The following DSCAM variants were observed in gnomAD, a reference collection of about 807,000 sequenced individuals.
DSCAM encodes DS cell adhesion molecule, also known as cell adhesion molecule DSCAM.
Under a neutral mutation model 217.7 loss-of-function variants are expected in DSCAM, and 47 were observed. The ratio of observed to expected loss-of-function variants is 0.22; its 90% CI spans 0.17 to 0.28. DSCAM has a LOEUF of 0.28. Among genes scored for constraint, DSCAM ranks in the 10% least tolerant of loss-of-function variants. The probability of loss-of-function intolerance (pLI) is 1.00; values close to 1 mark genes in which losing one functional copy is unlikely to be tolerated. For synonymous variants in DSCAM, 1,056 were observed against 1,015.3 expected, an observed-to-expected ratio of 1.04 and a Z score of -0.76; for missense variants, 2,080 against 2,618.3, an observed-to-expected ratio of 0.79 and a Z score of 4.49.
At chr21:40,741,670 T>C (rs989955592) in intron 1 of DSCAM, among the ~76,000 whole-genome samples, 2 of 152,218 alleles carry the variant, frequency 1.3e-5, no homozygotes, top group Non-Finnish European at 2.9e-5. Context: ...GGCTGCACGG[T>C]AGATTCACCT....
intron 10 of DSCAM, among the ~76,000 whole-genome samples, chr21:40,284,291 T>A (rs2073799360): frequency 6.6e-6 from 1 of 152,196 alleles, no homozygotes; most frequent in Non-Finnish European, 1.5e-5. Context: ...ACCACTGGCT[T>A]GGTTCCAGGC....
chr21:40,293,172 T>C (rs1330929798), intron 10 of DSCAM, among the ~76,000 whole-genome samples: 1 of 152,194 alleles, frequency 6.6e-6, no homozygotes, highest in Non-Finnish European at 1.5e-5. Context: ...ATGTCCATGA[T>C]GGCTTACGGA....
chr21:40,362,178 G>T (rs945981428), intron 4 of DSCAM, among the ~76,000 whole-genome samples: 1 of 152,022 alleles, frequency 6.6e-6, no homozygotes, highest in Admixed American at 6.6e-5. Context: ...ATCATTGTTG[G>T]ACATTTGGGT....
At chr21:40,255,356 T>C (rs1199916527) in intron 11 of DSCAM, among the ~76,000 whole-genome samples, 1 of 152,150 alleles carries the variant, frequency 6.6e-6, no homozygotes, top group Non-Finnish European at 1.5e-5. Context: ...GTGGCTCTTT[T>C]CCCCAGTGAG....
intron 3 of DSCAM, among the ~76,000 whole-genome samples, chr21:40,611,270 G>C (rs1287606245): frequency 1.3e-5 from 2 of 151,934 alleles, no homozygotes; most frequent in African/African-American, 4.8e-5. Flanking sequence ...TGCTGGCCAG[G>C]ATGGGCTCAA....
intron 8 of DSCAM, among the ~76,000 whole-genome samples, chr21:40,333,625 A>G (rs758832802): frequency 6.6e-6 from 1 of 152,204 alleles, no homozygotes; most frequent in Non-Finnish European, 1.5e-5. Flanking sequence ...TCGGTCTCCC[A>G]AAGTGCTGAG....
chr21:40,771,906 AG>A lies in DSCAM; in HGVS notation c.44-63136del, dbSNP rs774805245. Among the ~76,000 whole-genome samples, 7 of 152,194 alleles carry A rather than the reference AG, an allele frequency of 4.6e-5. No homozygotes were observed. The East Asian group carries it at 1.4e-3, about 29-fold the overall frequency. On this transcript the variant is annotated intron_variant, in intron 1 of 32. Transcript: ENST00000400454. ...CGTGCGTATGTCGCATACAATGAAGAGGGGAAAATGGAGACTGGAGTTTATG... is the reference window on the plus strand; with the variant it reads ...CGTGCGTATGTCGCATACAATGAAGAGGGAAAATGGAGACTGGAGTTTATG...
chr21:40,041,365 C>A (rs749067517), intron 32 of DSCAM, among the ~76,000 whole-genome samples: 18 of 152,168 alleles, frequency 1.2e-4, no homozygotes, highest in Non-Finnish European at 2.1e-4. Context: ...AGGTTGGATT[C>A]CACCTAAAGA....
At chr21:40,636,785 T>C (rs1298618255) in intron 3 of DSCAM, among the ~76,000 whole-genome samples, 3 of 144,518 alleles carry the variant, frequency 2.1e-5, no homozygotes, top group African/African-American at 7.7e-5. Context: ...TTTCACAACA[T>C]CTCATTCAAC....
rs1286697856 is a variant in DSCAM, at chr21:40,093,990, C to G, written c.3697-116G>C. 7 of 1,109,954 alleles carry G rather than the reference C, an allele frequency of 6.3e-6. No homozygotes were observed. In the Admixed American group the frequency reaches 1.9e-4, roughly 30 times the overall value. 68.8% of individuals were successfully genotyped at this position (1,109,954 alleles called of 1,614,324 possible). ...TCATAACAAAAAAACTCAACTCACT[C>G]TCCTCTAAAAGGCTGGCTTTGCAAT... On this transcript the variant is annotated intron_variant, in intron 20 of 32. Coordinates refer to ENST00000400454, the MANE Select transcript of DSCAM (RefSeq NM_001389.5).
intron 30 of DSCAM, among the ~76,000 whole-genome samples, chr21:40,051,574 A>T (rs1387489058): frequency 6.6e-6 from 1 of 152,186 alleles, no homozygotes; most frequent in East Asian, 1.9e-4. Context: ...TACCTGCTTC[A>T]CGAGTAGGTA....
intron 3 of DSCAM, among the ~76,000 whole-genome samples, chr21:40,475,754 C>G (rs972604071): frequency 3.3e-5 from 5 of 152,136 alleles, no homozygotes; most frequent in African/African-American, 1.2e-4. Context: ...TCGCTTGAAC[C>G]TGGGAGGCGG....
At chr21:40,567,870 A>T (rs1373234047) in intron 3 of DSCAM, among the ~76,000 whole-genome samples, 4 of 152,206 alleles carry the variant, frequency 2.6e-5, no homozygotes, top group Non-Finnish European at 5.9e-5. Flanking sequence ...TTCAGTCTTT[A>T]GGATATTTTG....
intron 3 of DSCAM, among the ~76,000 whole-genome samples, chr21:40,519,201 G>C (rs1451938496): frequency 6.6e-6 from 1 of 152,138 alleles, no homozygotes; most frequent in East Asian, 1.9e-4. Flanking sequence ...ATATATGACG[G>C]TGAGTGTTAT....
intron 3 of DSCAM, among the ~76,000 whole-genome samples, chr21:40,678,192 T>C (rs2090361782): frequency 6.6e-6 from 1 of 152,208 alleles, no homozygotes; most frequent in African/African-American, 2.4e-5. Flanking sequence ...AGCCTACTGA[T>C]TATAATTAGG....
chr21:40,099,947 A>ATGGC (rs2089728872), intron 20 of DSCAM, among the ~76,000 whole-genome samples: 1 of 152,192 alleles, frequency 6.6e-6, no homozygotes, highest in African/African-American at 2.4e-5. Flanking sequence ...GAGAAGGCTA[A>ATGGC]TGGCGAACCA....
Position 40,282,590 on chromosome 21 carries a change from CAAAAAAAAAA to C in DSCAM, c.2183-6330_2183-6321del, listed in dbSNP as rs528248714. Among the ~76,000 whole-genome samples, 173 of 32,928 alleles carry C rather than the reference CAAAAAAAAAA, an allele frequency of 5.3e-3. 4 individuals carry two copies. The East Asian group carries it at 0.068, about 13-fold the overall frequency. The allele number at this position is 32,928 out of a possible 152,430, so 21.6% of individuals were successfully genotyped here. A position where few individuals can be genotyped will look rare whatever the true frequency, so the allele number is the denominator to read the frequency against. ...TGGGCGAAAGAGCGAGACTCTGTCT[CAAAAAAAAAA>C]AAAAAAAAAAAAAAAAAAAAGATAG... On this transcript the variant is annotated intron_variant, in intron 10 of 32. Transcript: ENST00000400454.
rs574823304 is a variant in DSCAM, at chr21:40,554,632, G to A, written c.508+138178C>T. On this transcript the variant is annotated intron_variant, in intron 3 of 32. Transcript: ENST00000400454. ...GAGACGGTTATCCACTCACATAGAG[G>A]GAGACATACTCTCCTCCTATGCTGT... Among the ~76,000 whole-genome samples, 13 of 152,126 alleles carry A rather than the reference G, an allele frequency of 8.5e-5. No individual in the cohort carries two copies. The East Asian group carries it at 2.5e-3, about 29-fold the overall frequency.
intron 3 of DSCAM, among the ~76,000 whole-genome samples, chr21:40,608,899 C>T (rs1342428511): frequency 6.6e-6 from 1 of 152,070 alleles, no homozygotes; most frequent in Non-Finnish European, 1.5e-5. Flanking sequence ...GGGTAATTTG[C>T]AAGTTCTTTC....
Sources: gnomAD v4.1 joint callset for allele counts (sites outside exome capture counted in the v4.1 genomes callset) on GRCh38, gnomAD v4.1.1 for gene constraint, MANE v1.5 for transcripts, NCBI Gene and HGNC (gene_info 2026-07-23, HGNC 2026-07-21) for gene names.